TNR: variants seen among roughly 807,000 people sequenced by gnomAD.
TNR encodes tenascin R, also known as tenascin-R.
In TNR, 45 loss-of-function variants were observed where a neutral mutation model predicts 150.4. The ratio of observed to expected loss-of-function variants is 0.30; its 90% CI spans 0.24 to 0.38. The LOEUF is 0.38. TNR is among the 10% of genes least tolerant of loss of function. The pLI is 1.00. For missense variants in TNR, 1,544 were observed against 1,759.1 expected, an observed-to-expected ratio of 0.88 and a Z score of 2.19; for synonymous variants, 687 against 678.4, an observed-to-expected ratio of 1.01 and a Z score of -0.20.
At chr1:175,716,703 T>C (rs111465094) in intron 1 of TNR, among the ~76,000 whole-genome samples, 17 of 152,270 alleles carry the variant, frequency 1.1e-4, no homozygotes, top group African/African-American at 3.9e-4. Flanking sequence ...AGACCAATGA[T>C]TAGGATGAAT....
chr1:175,461,004 C>A (rs775899568), intron 2 of TNR, among the ~76,000 whole-genome samples: 1 of 152,194 alleles, frequency 6.6e-6, no homozygotes, highest in Non-Finnish European at 1.5e-5. Flanking sequence ...CACACTGATG[C>A]ATGCTTGCAT....
intron 4 of TNR, among the ~76,000 whole-genome samples, chr1:175,399,017 C>T (rs1263625878): frequency 6.6e-6 from 1 of 152,146 alleles, no homozygotes; most frequent in Admixed American, 6.5e-5. Context: ...CATTCTTTCC[C>T]CTACAATTTA....
chr1:175,417,873 T>C (rs1158642655), intron 2 of TNR, among the ~76,000 whole-genome samples: 1 of 152,178 alleles, frequency 6.6e-6, no homozygotes, highest in Non-Finnish European at 1.5e-5. Context: ...ATATATTGGA[T>C]AGCCATTCGT....
chr1:175,405,618 AGT>A (rs60670165), intron 3 of TNR, among the ~76,000 whole-genome samples: 13,405 of 149,874 alleles, frequency 0.089, 705 homozygotes, highest in South Asian at 0.15. Context: ...TGTGTGTGAG[AGT>A]GTGTGTGTGT....
At chr1:175,644,525 T>C (rs1664754226) in intron 1 of TNR, among the ~76,000 whole-genome samples, 1 of 152,224 alleles carries the variant, frequency 6.6e-6, no homozygotes, top group African/African-American at 2.4e-5. Context: ...TTCCTCATTG[T>C]CACCATTCCT....
intron 2 of TNR, among the ~76,000 whole-genome samples, chr1:175,462,990 T>TCTGTAGAATGTCGAATTGTGTTGTGC (rs1656884355): frequency 6.6e-6 from 1 of 152,206 alleles, no homozygotes; most frequent in Non-Finnish European, 1.5e-5. Flanking sequence ...AGAAACTGTT[T>TCTGTAGAATGTCGAATTGTGTTGTGC]CTGTAGAATG....
At chr1:175,543,922 A>AG (rs1204471121) in intron 1 of TNR, among the ~76,000 whole-genome samples, 1 of 152,170 alleles carries the variant, frequency 6.6e-6, no homozygotes, top group African/African-American at 2.4e-5. Context: ...AGAAAAAAAA[A>AG]GAGCATTTGG....
In TNR at chr1:175,691,124, C is replaced by T. The variant is rs74129305; in HGVS notation, c.-165+52102G>A. On this transcript the variant is annotated intron_variant, in intron 1 of 22. Transcript: ENST00000367674. ...GTAAGTAGTTGGATAGCACCATGGA[C>T]AGCATGCAGCTGAGAAGGGTGTCCA... is the stretch of plus-strand genomic sequence containing the variant. 6.3e-3 allele frequency among the ~76,000 whole-genome samples: 963 copies of T among 152,218 alleles called. 15 individuals are homozygous for T. The highest frequency in any genetic ancestry group is 0.022 in the African/African-American group (917 of 41,522).
chr1:175,582,852 C>T (rs764874356), intron 1 of TNR, among the ~76,000 whole-genome samples: 4 of 151,958 alleles, frequency 2.6e-5, no homozygotes, highest in African/African-American at 4.8e-5. Flanking sequence ...TGGATTAATG[C>T]CACTATCATG....
intron 16 of TNR, among the ~76,000 whole-genome samples, chr1:175,356,072 G>A (rs1276225891): frequency 1.3e-5 from 2 of 152,122 alleles, no homozygotes; most frequent in African/African-American, 4.8e-5. Context: ...TGCATTCCGA[G>A]TACAGACCTC....
chr1:175,522,125 T>A (rs1277850308), intron 2 of TNR, among the ~76,000 whole-genome samples: 3 of 152,202 alleles, frequency 2.0e-5, no homozygotes, highest in African/African-American at 7.2e-5. Context: ...ACTTCTCCTT[T>A]TTTTTTCTCC....
intron 20 of TNR, among the ~76,000 whole-genome samples, chr1:175,331,048 T>TCTTTCTTTCTTTCTTTCTTTCTTG (rs1557867572): frequency 2.2e-5 from 2 of 90,664 alleles, no homozygotes; most frequent in African/African-American, 7.9e-5. Context: ...TTTCTTTCTT[T>TCTTTCTTTCTTTCTTTCTTTCTTG]CTTTCTTTCT....
rs1663840730 is a variant in TNR at position 175,618,131 on chromosome 1, T to C, written c.-164-89762A>G. Among the ~76,000 whole-genome samples, 2 of 152,258 alleles carry C rather than the reference T, an allele frequency of 1.3e-5. 1 individual carries two copies. Among genetic ancestry groups the C allele is most frequent in the South Asian group, 4.1e-4 (2 of 4,832 alleles). On this transcript the variant is annotated intron_variant, in intron 1 of 22. Transcript: ENST00000367674. ...GGGCAGGCTCCCTGCATTCACCCAA[T>C]TTATATATTTTCATTCCTTCTCTTA...
Position 175,324,337 on chromosome 1 carries a change from G to A in TNR, c.3957+19C>T. 2.5e-6 allele frequency: 4 copies of A among 1,610,210 alleles called. No individual in the cohort carries two copies. The highest frequency in any genetic ancestry group is 3.4e-6 in the Non-Finnish European group (4 of 1,178,478). Reference sequence around the variant, plus strand: ...CCACAGCTCTGGCTCATTCATAGCAGAGGTGGAGCATCGCTTACCTGACTG... The same window carrying A: ...CCACAGCTCTGGCTCATTCATAGCAAAGGTGGAGCATCGCTTACCTGACTG... On this transcript the variant is annotated intron_variant, in intron 22 of 22. Transcript: ENST00000367674.
chr1:175,702,713 T>G (rs1666731753), intron 1 of TNR, among the ~76,000 whole-genome samples: 1 of 152,154 alleles, frequency 6.6e-6, no homozygotes, highest in Non-Finnish European at 1.5e-5. Context: ...GACACGAGAT[T>G]TGGGGTTAGA....
intron 1 of TNR, among the ~76,000 whole-genome samples, chr1:175,689,169 C>A (rs1259700148): frequency 2.6e-5 from 4 of 152,160 alleles, no homozygotes; most frequent in Non-Finnish European, 5.9e-5. Flanking sequence ...GAGGCCTGAG[C>A]CTGGAATCTT....
intron 22 of TNR, among the ~76,000 whole-genome samples, chr1:175,324,111 A>G (rs182421783): frequency 4.6e-5 from 7 of 152,274 alleles, no homozygotes; most frequent in Middle Eastern, 3.4e-3. Flanking sequence ...AGCTCTCTTC[A>G]TGGGATCTTC....
chr1:175,372,155 A>C (rs1055776855), intron 9 of TNR, among the ~76,000 whole-genome samples: 1 of 152,096 alleles, frequency 6.6e-6, no homozygotes, highest in African/African-American at 2.4e-5. Flanking sequence ...GGCTTCCCGC[A>C]TGATTGTAAG....
chr1:175,650,362 G>A (rs1047964657), intron 1 of TNR, among the ~76,000 whole-genome samples: 1 of 151,990 alleles, frequency 6.6e-6, no homozygotes, highest in South Asian at 2.1e-4. Flanking sequence ...CAGCATGGAC[G>A]ACAGAGCAAG....
Sources: gnomAD v4.1 joint callset for allele counts (sites outside exome capture counted in the v4.1 genomes callset) on GRCh38, gnomAD v4.1.1 for gene constraint, MANE v1.5 for transcripts, NCBI Gene and HGNC (gene_info 2026-07-23, HGNC 2026-07-21) for gene names.